The following MARCHF10 variants were observed in gnomAD, a reference collection of about 807,000 sequenced individuals.
MARCHF10 encodes the protein membrane associated ring-CH-type finger 10.
A neutral mutation model predicts 76.2 loss-of-function variants in MARCHF10; 64 were observed. That is an observed-to-expected ratio of 0.84 (90% CI 0.69 to 1.03). The LOEUF (loss-of-function observed/expected upper bound fraction) is 1.03, where lower values mean the gene tolerates loss of function less well. Ranked by LOEUF, MARCHF10 falls within the 50% of genes least tolerant of loss-of-function variation. MARCHF10 has a pLI of 0.00. For missense variants in MARCHF10, 875 were observed against 958.0 expected, an observed-to-expected ratio of 0.91 and a Z score of 1.14; for synonymous variants, 340 against 357.5, an observed-to-expected ratio of 0.95 and a Z score of 0.55.
chr17:62,801,523 C>T (rs547153387), intron 2 of MARCHF10, 123 bp downstream of exon 2: 1 of 567,784 alleles, frequency 1.8e-6, no homozygotes, highest in South Asian at 1.6e-5. Context: ...TAGTTACATA[C>T]CTAATCGGTG....
chr17:62,801,310 C>T lies in MARCHF10; in HGVS notation c.90+336G>A, dbSNP rs944926121. 3.9e-5 allele frequency among the ~76,000 whole-genome samples: 6 copies of T among 152,176 alleles called. No individual in the cohort carries two copies. In the East Asian group the frequency reaches 7.7e-4, roughly 20 times the overall value. On this transcript the variant is annotated intron_variant, in intron 2 of 10. Transcript: ENST00000311269. The stretch of plus-strand genomic sequence containing the variant: ...AGTAGCTGGGACTACAGTGCCACCA[C>T]GCCTGGCTAATTTTTTGTATTTTTT...
Position 62,711,315 on chromosome 17 carries a change from C to CA in MARCHF10, c.2243dup (p.Leu748PhefsTer11). The CA allele has an allele frequency of 6.2e-7, 1 of 1,614,164 alleles. No individual in the cohort carries two copies. The highest frequency in any genetic ancestry group is 8.5e-7 in the Non-Finnish European group (1 of 1,180,018). ...AGAGGTGAAGCAGCAGCACCAGGTA[C>CA]AAGCCTGAATTCATCAGCTCGTTTT... On this transcript the variant is annotated frameshift_variant, in exon 9 of 11. Coordinates refer to ENST00000311269, the MANE Select transcript of MARCHF10 (RefSeq NM_152598.4). LOFTEE classifies it high-confidence loss of function. This position sits in a 1 kb window ranked among gnomAD's most constrained non-coding sequence, Gnocchi z 4.4.
chr17:62,774,023 TAGGG>T (rs1179424480), intron 3 of MARCHF10, among the ~76,000 whole-genome samples: 2 of 151,900 alleles, frequency 1.3e-5, no homozygotes, highest in Non-Finnish European at 2.9e-5. Flanking sequence ...CTAGGCTGTG[TAGGG>T]AGGACACGTC....
chr17:62,740,944 A>G (rs2091482284), intron 5 of MARCHF10, among the ~76,000 whole-genome samples: 1 of 152,158 alleles, frequency 6.6e-6, no homozygotes, highest in Non-Finnish European at 1.5e-5. Flanking sequence ...CAGTATTTGA[A>G]CAATGAATTT....
At chr17:62,753,433 T>C (rs910746539) in intron 4 of MARCHF10, among the ~76,000 whole-genome samples, 2 of 152,100 alleles carry the variant, frequency 1.3e-5, no homozygotes, top group African/African-American at 4.8e-5. Flanking sequence ...GAAACTCAAA[T>C]GTACATAGGA....
chr17:62,772,888 C>T (rs773633615), intron 3 of MARCHF10, among the ~76,000 whole-genome samples: 21 of 152,090 alleles, frequency 1.4e-4, no homozygotes, highest in Non-Finnish European at 2.9e-5. Flanking sequence ...CCCTTTACAC[C>T]CATCGCTTGT....
chr17:62,800,438 C>T (rs537684087), intron 2 of MARCHF10, among the ~76,000 whole-genome samples: 52 of 152,278 alleles, frequency 3.4e-4, no homozygotes, highest in African/African-American at 1.2e-3. Flanking sequence ...TGCAGAAATG[C>T]CCTCGATTTT....
chr17:62,706,367 T>A (rs887205143), intron 9 of MARCHF10: 2 of 152,180 alleles, frequency 1.3e-5, no homozygotes, highest in Non-Finnish European at 2.9e-5. Flanking sequence ...CTGCCTCCGT[T>A]TTCTCTGGGC....
intron 10 of MARCHF10, among the ~76,000 whole-genome samples, chr17:62,702,041 A>G (rs2089271761): frequency 6.6e-6 from 1 of 152,178 alleles, no homozygotes; most frequent in Admixed American, 6.5e-5. Flanking sequence ...ACTTGTTTTC[A>G]GGCTGAATAG....
At chr17:62,750,901 C>A (rs894834710) in intron 4 of MARCHF10, among the ~76,000 whole-genome samples, 8 of 152,198 alleles carry the variant, frequency 5.3e-5, no homozygotes, top group Admixed American at 4.6e-4. Context: ...ACAGATGGCG[C>A]CCCGCAGGGT....
chr17:62,745,503 C>A (rs1257267006), intron 4 of MARCHF10, among the ~76,000 whole-genome samples: 1 of 152,194 alleles, frequency 6.6e-6, no homozygotes, highest in Non-Finnish European at 1.5e-5. Context: ...AATGGCCCTG[C>A]CTCCCAAGTG....
chr17:62,789,250 C>T (rs2092801913), intron 2 of MARCHF10, among the ~76,000 whole-genome samples: 1 of 152,096 alleles, frequency 6.6e-6, no homozygotes, highest in Non-Finnish European at 1.5e-5. Context: ...CTCTTCATGG[C>T]CCCTCCCTCT....
Position 62,736,984 on chromosome 17 carries a change from G to A in MARCHF10, c.884C>T (p.Thr295Ile), listed in dbSNP as rs765154452. 1 of 1,614,130 alleles carries A rather than the reference G, an allele frequency of 6.2e-7. No individual in the cohort carries two copies. Residue 295 changes from threonine to isoleucine, a missense_variant, in exon 6 of 11, where the codon ACC becomes ATC. Coordinates refer to ENST00000311269, the MANE Select transcript of MARCHF10 (RefSeq NM_152598.4). ...RRESDDTEEETQSEECLWVGV... is the reference protein window; with the variant it reads ...RRESDDTEEEIQSEECLWVGV... ...AACCCACAGACATTCTTCAGACTGG[G>A]TTTCCTCTTCAGTGTCATCGCTTTC...
At chr17:62,744,129 T>A (rs2091614294) in intron 5 of MARCHF10, among the ~76,000 whole-genome samples, 1 of 152,072 alleles carries the variant, frequency 6.6e-6, no homozygotes, top group Non-Finnish European at 1.5e-5. Flanking sequence ...CATGGAGTTA[T>A]GGGAGAGAAA....
intron 3 of MARCHF10, among the ~76,000 whole-genome samples, chr17:62,775,828 T>G (rs1297612547): frequency 1.3e-5 from 2 of 151,942 alleles, no homozygotes; most frequent in African/African-American, 4.8e-5. Context: ...ATTTATTTAT[T>G]TATTTAGAGA....
At chr17:62,762,262 C>A (rs1261011263) in intron 3 of MARCHF10, among the ~76,000 whole-genome samples, 1 of 152,200 alleles carries the variant, frequency 6.6e-6, no homozygotes, top group African/African-American at 2.4e-5. Flanking sequence ...CCAATTAAAT[C>A]ATCCTGTTAC....
At chr17:62,775,607 A>C (rs2092539324) in intron 3 of MARCHF10, among the ~76,000 whole-genome samples, 1 of 151,912 alleles carries the variant, frequency 6.6e-6, no homozygotes, top group Non-Finnish European at 1.5e-5. Flanking sequence ...TTTTAAATTT[A>C]AAAAATTTTA....
intron 2 of MARCHF10, among the ~76,000 whole-genome samples, chr17:62,801,127 G>A (rs2093064582): frequency 6.6e-6 from 1 of 151,964 alleles, no homozygotes; most frequent in Non-Finnish European, 1.5e-5. Context: ...TACTAGAAGT[G>A]GATACAACCA....
intron 6 of MARCHF10, among the ~76,000 whole-genome samples, chr17:62,731,040 G>A (rs1362866379): frequency 6.6e-6 from 1 of 152,214 alleles, no homozygotes; most frequent in Non-Finnish European, 1.5e-5. Context: ...TATGATATAT[G>A]AAAGGAGAAT....
Sources: gnomAD v4.1 joint callset for allele counts (sites outside exome capture counted in the v4.1 genomes callset) on GRCh38, gnomAD v4.1.1 for gene constraint, Gnocchi (gnomAD v3.1) non-coding constraint, MANE v1.5 for transcripts, NCBI Gene and HGNC (gene_info 2026-07-23, HGNC 2026-07-21) for gene names.